Variants in TERF2 observed in about 807,000 individuals in gnomAD.
TERF2 encodes telomeric repeat binding factor 2, also known as telomeric repeat-binding factor 2.
In TERF2, 16 loss-of-function variants were observed where a neutral mutation model predicts 56.1. The ratio of observed to expected loss-of-function variants is 0.29; its 90% CI spans 0.19 to 0.43. The LOEUF (loss-of-function observed/expected upper bound fraction) is 0.43. TERF2 is among the 20% of genes least tolerant of loss of function. TERF2 has a pLI of 1.00. For synonymous variants in TERF2, 296 were observed against 282.1 expected, an observed-to-expected ratio of 1.05 and a Z score of -0.50; for missense variants, 547 against 712.9, an observed-to-expected ratio of 0.77 and a Z score of 2.65.
At chr16:69,361,298 T>C in intron 8 of TERF2, 106 bp downstream of exon 8, 1 of 826,468 alleles carries the variant, frequency 1.2e-6, no homozygotes, top group Non-Finnish European at 2.0e-6. Context: ...TTACTGAACT[T>C]TTTCTAGTTC....
At position 69,385,603 on chromosome 16, in the gene TERF2, G is replaced by A; in HGVS notation, c.369C>T (p.Asp123=). 3 of 1,599,196 alleles carry A rather than the reference G, an allele frequency of 1.9e-6. No individual in the cohort carries two copies. Among genetic ancestry groups the A allele is most frequent in the African/African-American group, 1.4e-5 (1 of 72,016 alleles). ...CGGCCCGGCCCTCACCCTGCATGAT[G>A]TCCCGGATCTGTCTGAAGTCCCCGT... The part of the protein sequence containing the change: ...SRYGDFRQIR[D]IMQALLVRPL... Residue 123 remains aspartate, a synonymous_variant, in exon 1 of 10, where the codon GAC becomes GAT. Transcript: ENST00000254942.
At chr16:69,381,568 C>T (rs1234401815) in intron 3 of TERF2, among the ~76,000 whole-genome samples, 1 of 151,868 alleles carries the variant, frequency 6.6e-6, no homozygotes, top group African/African-American at 2.4e-5. Context: ...GCAACCTCCA[C>T]CTCCCAGGCT....
At chr16:69,362,856 C>A (rs149162069) in intron 7 of TERF2, among the ~76,000 whole-genome samples, 84 of 152,118 alleles carry the variant, frequency 5.5e-4, no homozygotes, top group African/African-American at 1.9e-3. Flanking sequence ...AAAAGTTAAC[C>A]AAGAATAGAG....
intron 3 of TERF2, among the ~76,000 whole-genome samples, chr16:69,374,370 C>T (rs1013735109): frequency 1.3e-5 from 2 of 152,036 alleles, no homozygotes; most frequent in Admixed American, 1.3e-4. Flanking sequence ...TGGCTCATAA[C>T]TGTAATCCCA....
chr16:69,360,492 C>A (rs926109768), intron 8 of TERF2, among the ~76,000 whole-genome samples: 14 of 151,768 alleles, frequency 9.2e-5, no homozygotes, highest in Admixed American at 2.6e-4. Flanking sequence ...TTGCTTGAGC[C>A]CAGGAGTTCG....
At position 69,372,321 on chromosome 16, in the gene TERF2, T is replaced by C; in HGVS notation, c.641A>G (p.Glu214Gly). The C allele has an allele frequency of 6.2e-7, 1 of 1,611,468 alleles. No homozygotes were observed. Among genetic ancestry groups the C allele is most frequent in the Non-Finnish European group, 8.5e-7 (1 of 1,179,092 alleles). The change falls in exon 4 of 10, where the codon GAA (glutamate) becomes GGA (glycine). Residue 214 changes from glutamate (E) to glycine (G), a missense_variant. Coordinates refer to ENST00000254942, the MANE Select transcript of TERF2 (RefSeq NM_005652.5). The stretch of plus-strand genomic sequence containing the variant: ...TTTTTTCAAAATTTTTGAAGCCTTT[T>C]CAAATTCTTTGTTTTTGATACAAAT... Reference protein sequence around the residue: ...VIICIKNKEFEKASKILKKHM... With the variant: ...VIICIKNKEFGKASKILKKHM...
chr16:69,377,321 T>A (rs1310313795), intron 3 of TERF2, among the ~76,000 whole-genome samples: 1 of 151,964 alleles, frequency 6.6e-6, no homozygotes, highest in African/African-American at 2.4e-5. Context: ...AACATGAACA[T>A]TCAGTCTTAA....
chr16:69,363,830 G>A (rs910736944), intron 7 of TERF2, among the ~76,000 whole-genome samples: 8 of 152,070 alleles, frequency 5.3e-5, no homozygotes, highest in African/African-American at 1.4e-4. Context: ...AGCCAGGTGC[G>A]GTGGCACGCA....
intron 2 of TERF2, 83 bp from the exon 3 acceptor site, chr16:69,384,793 T>C: frequency 3.1e-6 from 4 of 1,272,714 alleles, no homozygotes; most frequent in South Asian, 3.8e-5. Flanking sequence ...TATATATTTA[T>C]GGAAATGGAG....
At chr16:69,362,791 T>C (rs2013193798) in intron 7 of TERF2, among the ~76,000 whole-genome samples, 1 of 152,148 alleles carries the variant, frequency 6.6e-6, no homozygotes, top group African/African-American at 2.4e-5. Flanking sequence ...TTTACAAACA[T>C]GGAAAGTGTC....
intron 8 of TERF2, among the ~76,000 whole-genome samples, chr16:69,360,781 G>A (rs1221176566): frequency 6.6e-6 from 1 of 151,212 alleles, no homozygotes; most frequent in African/African-American, 2.4e-5. Context: ...AGAAATGCAG[G>A]GAATGACCCC....
chr16:69,375,854 G>T (rs2013758675), intron 3 of TERF2, among the ~76,000 whole-genome samples: 1 of 152,050 alleles, frequency 6.6e-6, no homozygotes. Flanking sequence ...ATCTTTTCAT[G>T]TAATTTTTTT....
intron 8 of TERF2, 31 bp downstream of exon 8, chr16:69,361,372 CA>C (rs747107434): frequency 9.4e-6 from 14 of 1,490,324 alleles, no homozygotes; most frequent in Non-Finnish European, 1.2e-5. Context: ...CAGCAAGCAT[CA>C]AGAAGAGGCC....
At chr16:69,370,220 G>T (rs1295473980) in intron 5 of TERF2, 1 of 442,744 alleles carries the variant, frequency 2.3e-6, no homozygotes, top group Admixed American at 3.9e-5. Context: ...TAGTAGAGAT[G>T]GGGTTTCACC....
rs2012908198 is a variant in TERF2 at position 69,356,575 on chromosome 16, T to C, written c.*323A>G. 1.6e-5 allele frequency: 4 copies of C among 250,198 alleles called. No individual in the cohort carries two copies. In the South Asian group the frequency reaches 1.9e-4, roughly 12 times the overall value. The allele number at this position is 250,198 out of a possible 1,614,324, so 15.5% of individuals were successfully genotyped here. On this transcript the variant is annotated 3_prime_UTR_variant, in exon 10 of 10. Coordinates refer to ENST00000254942, the MANE Select transcript of TERF2 (RefSeq NM_005652.5). ...CAGCACTTTGGGAGGCCGAGTTGGG[T>C]GGATCACGAGGTCAGGAGATCGAGA...
At chr16:69,376,846 C>A (rs548788960) in intron 3 of TERF2, among the ~76,000 whole-genome samples, 3 of 129,696 alleles carry the variant, frequency 2.3e-5, no homozygotes, top group Admixed American at 8.7e-5. Flanking sequence ...GGTGACAGAG[C>A]GAGACCTTGT....
chr16:69,370,879 GATATA>G (rs2013545544), intron 4 of TERF2, among the ~76,000 whole-genome samples: 1 of 152,082 alleles, frequency 6.6e-6, no homozygotes, highest in South Asian at 2.1e-4. Context: ...ATGATTCCAA[GATATA>G]ATATTAAGTG....
chr16:69,371,263 T>G, intron 4 of TERF2, among the ~76,000 whole-genome samples: 1 of 148,466 alleles, frequency 6.7e-6, no homozygotes. Context: ...CTTTGGGAGG[T>G]CGAGGCGGGC....
intron 8 of TERF2, among the ~76,000 whole-genome samples, chr16:69,358,399 G>A (rs781583347): frequency 1.4e-4 from 22 of 152,168 alleles, no homozygotes; most frequent in Non-Finnish European, 2.9e-4. Context: ...ACCCACCTCG[G>A]CCTCCCAAAG....
Sources: allele counts gnomAD v4.1 joint callset (sites outside exome capture counted in the v4.1 genomes callset), GRCh38; gene constraint gnomAD v4.1.1; transcripts MANE v1.5; gene names NCBI Gene and HGNC (gene_info 2026-07-23, HGNC 2026-07-21).